Variants in TACR3 observed in about 807,000 individuals in gnomAD.
The protein encoded by TACR3 is tachykinin receptor 3.
Under a neutral mutation model 35.0 loss-of-function variants are expected in TACR3, and 34 were observed. That is an observed-to-expected ratio of 0.97 (90% CI 0.74 to 1.30). The LOEUF (loss-of-function observed/expected upper bound fraction) is 1.30, where lower values mean the gene tolerates loss of function less well. Among genes scored for constraint, TACR3 ranks in the 50% most tolerant of loss-of-function variants. The pLI is 0.00. For synonymous variants in TACR3, 233 were observed against 221.1 expected, an observed-to-expected ratio of 1.05 and a Z score of -0.48; for missense variants, 558 against 591.7, an observed-to-expected ratio of 0.94 and a Z score of 0.59.
intron 3 of TACR3, among the ~76,000 whole-genome samples, chr4:103,599,948 A>G (rs890312268): frequency 6.6e-6 from 1 of 152,110 alleles, no homozygotes; most frequent in Non-Finnish European, 1.5e-5. Context: ...GGGCTTTGGT[A>G]TCAGGATGAT....
chr4:103,695,785 A>ATTGTT (rs1196257731), intron 1 of TACR3, among the ~76,000 whole-genome samples: 1 of 151,908 alleles, frequency 6.6e-6, no homozygotes. Context: ...ATATTTGCAG[A>ATTGTT]TAAATATTGT....
intron 3 of TACR3, among the ~76,000 whole-genome samples, chr4:103,647,811 GTGT>G (rs146279887): frequency 0.01 from 1,578 of 151,992 alleles, 32 homozygotes; most frequent in African/African-American, 0.037. Context: ...GTTAATACCA[GTGT>G]TGTTATTTTT....
intron 1 of TACR3, among the ~76,000 whole-genome samples, chr4:103,700,874 A>C (rs1722634916): frequency 6.6e-6 from 1 of 152,166 alleles, no homozygotes; most frequent in Non-Finnish European, 1.5e-5. Flanking sequence ...AAACTCAATA[A>C]ATTAGGTATT....
At chr4:103,677,016 A>T (rs1042455531) in intron 1 of TACR3, among the ~76,000 whole-genome samples, 1 of 152,212 alleles carries the variant, frequency 6.6e-6, no homozygotes, top group Non-Finnish European at 1.5e-5. Flanking sequence ...TTTACAAGAA[A>T]AAAATAAGCA....
At chr4:103,628,633 G>A (rs1724968754) in intron 3 of TACR3, among the ~76,000 whole-genome samples, 1 of 152,088 alleles carries the variant, frequency 6.6e-6, no homozygotes, top group Non-Finnish European at 1.5e-5. Context: ...CCAATAACAG[G>A]CTCTGAAATT....
At chr4:103,652,624 G>A (rs1239566311) in intron 3 of TACR3, among the ~76,000 whole-genome samples, 1 of 152,130 alleles carries the variant, frequency 6.6e-6, no homozygotes, top group East Asian at 1.9e-4. Flanking sequence ...CTGGGGTGAT[G>A]ATCAGTGGAG....
At chr4:103,594,244 C>A (rs1367954566) in intron 3 of TACR3, among the ~76,000 whole-genome samples, 2 of 150,912 alleles carry the variant, frequency 1.3e-5, no homozygotes, top group East Asian at 3.9e-4. Context: ...GTGGTGCGAT[C>A]TTGGCTCACT....
intron 3 of TACR3, among the ~76,000 whole-genome samples, chr4:103,630,071 C>T (rs1375824431): frequency 2.6e-5 from 4 of 151,942 alleles, no homozygotes; most frequent in Non-Finnish European, 4.4e-5. Context: ...ACAAACCTGA[C>T]AAAAACAAGA....
intron 3 of TACR3, among the ~76,000 whole-genome samples, chr4:103,651,421 G>C (rs1389558917): frequency 1.3e-5 from 2 of 151,798 alleles, no homozygotes; most frequent in Admixed American, 6.6e-5. Flanking sequence ...GTTCACTTAA[G>C]GCCCAGAGTG....
At chr4:103,664,108 T>G (rs538540697) in intron 1 of TACR3, among the ~76,000 whole-genome samples, 1 of 152,308 alleles carries the variant, frequency 6.6e-6, no homozygotes, top group East Asian at 1.9e-4. Flanking sequence ...TTAAAGTCAC[T>G]TTTTATTATC....
intron 3 of TACR3, among the ~76,000 whole-genome samples, chr4:103,650,460 AATATATTTAT>A (rs1197146706): frequency 2.1e-5 from 2 of 95,004 alleles, no homozygotes; most frequent in African/African-American, 5.7e-5. Flanking sequence ...AAAGTATAAT[AATATATTTAT>A]ATATATTTAT....
chr4:103,623,049 A>G (rs752319768), intron 3 of TACR3, among the ~76,000 whole-genome samples: 3 of 152,174 alleles, frequency 2.0e-5, no homozygotes, highest in Non-Finnish European at 2.9e-5. Context: ...TACCTAATGT[A>G]TTTAAAATAA....
Position 103,656,734 on chromosome 4 carries a change from G to A in TACR3, c.738-390C>T, listed in dbSNP as rs528278230. On this transcript the variant is annotated intron_variant, in intron 2 of 4. Transcript: ENST00000304883. ...AAGGGATAGAATAAATGAATCAACC[G>A]GCATATGTTTTCTCCTATATAGGAC... Among the ~76,000 whole-genome samples the A allele has an allele frequency of 8.6e-5, 13 of 151,978 alleles. No homozygotes were observed. The South Asian group carries it at 1.9e-3, about 22-fold the overall frequency.
At chr4:103,683,865 G>GGA (rs968134950) in intron 1 of TACR3, among the ~76,000 whole-genome samples, 11 of 150,532 alleles carry the variant, frequency 7.3e-5, no homozygotes, top group East Asian at 2.0e-4. Context: ...AGAGAAATGA[G>GGA]GAGAGAGAGA....
At chr4:103,627,740 C>G (rs1476108574) in intron 3 of TACR3, among the ~76,000 whole-genome samples, 1 of 152,066 alleles carries the variant, frequency 6.6e-6, no homozygotes, top group African/African-American at 2.4e-5. Flanking sequence ...ATCAACAAGA[C>G]AGAAGGTTAA....
chr4:103,650,676 AT>A (rs1439861335), intron 3 of TACR3, among the ~76,000 whole-genome samples: 10,458 of 30,654 alleles, frequency 0.34, 1,548 homozygotes, highest in African/African-American at 0.47. Context: ...ATAAATATAT[AT>A]TATATCATAT....
chr4:103,629,855 AAAAAACAAAAAAAAAAC>A (rs1725010038), intron 3 of TACR3, among the ~76,000 whole-genome samples: 3 of 116,726 alleles, frequency 2.6e-5, no homozygotes, highest in Admixed American at 8.1e-5. Flanking sequence ...CAAAACAAAA[AAAAAACAAAAAAAAAAC>A]AAAAAAAACA....
At chr4:103,622,885 G>C (rs1724813747) in intron 3 of TACR3, among the ~76,000 whole-genome samples, 1 of 151,806 alleles carries the variant, frequency 6.6e-6, no homozygotes, top group South Asian at 2.1e-4. Flanking sequence ...GTTGGATAAG[G>C]GCATTCACCC....
intron 3 of TACR3, among the ~76,000 whole-genome samples, chr4:103,614,362 T>C (rs943545450): frequency 6.9e-6 from 1 of 145,142 alleles, no homozygotes; most frequent in Non-Finnish European, 1.5e-5. Flanking sequence ...GCCAAAAAAC[T>C]GACAGATTTT....
Sources: gnomAD v4.1 joint callset for allele counts (sites outside exome capture counted in the v4.1 genomes callset) on GRCh38, gnomAD v4.1.1 for gene constraint, MANE v1.5 for transcripts, NCBI Gene and HGNC (gene_info 2026-07-23, HGNC 2026-07-21) for gene names.